The following KLRF1 variants were observed in gnomAD, a reference collection of about 807,000 sequenced individuals.
KLRF1 encodes killer cell lectin like receptor F1.
Under a neutral mutation model 30.7 loss-of-function variants are expected in KLRF1, and 27 were observed. The ratio of observed to expected loss-of-function variants is 0.88; its 90% CI spans 0.65 to 1.21. The LOEUF is 1.21. Ranked by LOEUF, KLRF1 falls within the 50% of genes most tolerant of loss-of-function variation. KLRF1 has a pLI of 0.00. For missense variants in KLRF1, 246 were observed against 259.3 expected (o/e 0.95, Z 0.35); for synonymous variants, 92 against 89.3 (o/e 1.03, Z -0.17).
chr12:9,813,841 G>A, the KLRF1 span, among the ~76,000 whole-genome samples: 174 of 152,238 alleles, frequency 1.1e-3, no homozygotes, highest in East Asian at 3.7e-3. Flanking sequence ...CCATGGGAGA[G>A]CCCTGGGGGC....
upstream of KLRF1, among the ~76,000 whole-genome samples, chr12:9,826,744 G>A (rs764226215): frequency 2.0e-5 from 3 of 152,186 alleles, no homozygotes; most frequent in South Asian, 4.2e-4. Context: ...GCTAGAGGCC[G>A]TTACCCTTAA....
chr12:9,835,914 T>A (rs1867566129), intron 3 of KLRF1, among the ~76,000 whole-genome samples: 1 of 152,046 alleles, frequency 6.6e-6, no homozygotes, highest in African/African-American at 2.4e-5. Flanking sequence ...TGGGGAGGTC[T>A]TGCTGGACCT....
chr12:9,831,935 A>T (rs985530852), intron 1 of KLRF1, among the ~76,000 whole-genome samples: 17 of 152,302 alleles, frequency 1.1e-4, no homozygotes, highest in Admixed American at 5.2e-4. Context: ...TATATTAATG[A>T]TTAATCAGAA....
the KLRF1 span, among the ~76,000 whole-genome samples, chr12:9,807,850 A>C: frequency 6.6e-6 from 1 of 152,094 alleles, no homozygotes. Context: ...CAGAGTTTTT[A>C]AATTTTTAAA....
chr12:9,820,024 C>A, the KLRF1 span, among the ~76,000 whole-genome samples: 2 of 152,004 alleles, frequency 1.3e-5, no homozygotes, highest in Non-Finnish European at 2.9e-5. Context: ...GCTGGTTGGA[C>A]CCTCAACACA....
upstream of KLRF1, among the ~76,000 whole-genome samples, chr12:9,825,495 T>C (rs752028803): frequency 1.3e-5 from 2 of 152,108 alleles, no homozygotes; most frequent in Non-Finnish European, 2.9e-5. Context: ...CCTTATACCA[T>C]ATACAAAGCT....
chr12:9,827,257 A>C (rs1867302397), upstream of KLRF1, among the ~76,000 whole-genome samples: 1 of 152,214 alleles, frequency 6.6e-6, no homozygotes, highest in Non-Finnish European at 1.5e-5. Context: ...TTTAAGGGTA[A>C]ATTAAGAGAA....
chr12:9,813,673 CA>C, the KLRF1 span, among the ~76,000 whole-genome samples: 1 of 152,032 alleles, frequency 6.6e-6, no homozygotes, highest in African/African-American at 2.4e-5. Flanking sequence ...TCTAAAAGAA[CA>C]CATTCGAATT....
chr12:9,819,427 A>G, the KLRF1 span, among the ~76,000 whole-genome samples: 1 of 152,172 alleles, frequency 6.6e-6, no homozygotes, highest in Non-Finnish European at 1.5e-5. Flanking sequence ...GGGGCTGGAC[A>G]TCATTTTTGC....
chr12:9,812,143 A>C, the KLRF1 span, among the ~76,000 whole-genome samples: 2 of 152,098 alleles, frequency 1.3e-5, no homozygotes, highest in Non-Finnish European at 2.9e-5. Context: ...AGGCGGGCGG[A>C]TCATGAGGTC....
upstream of KLRF1, among the ~76,000 whole-genome samples, chr12:9,822,984 A>G (rs1440593031): frequency 6.6e-6 from 1 of 152,176 alleles, no homozygotes; most frequent in East Asian, 1.9e-4. Flanking sequence ...TCTTAGCTAC[A>G]AAGAGTCTTA....
chr12:9,823,532 A>G (rs1867249854), upstream of KLRF1, among the ~76,000 whole-genome samples: 1 of 152,188 alleles, frequency 6.6e-6, no homozygotes, highest in African/African-American at 2.4e-5. Context: ...TACACAAAAA[A>G]GTTAGAAAGA....
At chr12:9,830,178 ACTAT>A (rs1867379766) in intron 1 of KLRF1, among the ~76,000 whole-genome samples, 1 of 152,064 alleles carries the variant, frequency 6.6e-6, no homozygotes, top group Non-Finnish European at 1.5e-5. Flanking sequence ...TTTTTGGTTA[ACTAT>A]CCGTGAGTAA....
chr12:9,813,709 C>A, the KLRF1 span, among the ~76,000 whole-genome samples: 1 of 152,278 alleles, frequency 6.6e-6, no homozygotes, highest in South Asian at 2.1e-4. Context: ...CAGGAAAGCT[C>A]TGAGGCAGGA....
chr12:9,826,148 C>T (rs1332853925), upstream of KLRF1, among the ~76,000 whole-genome samples: 1 of 152,028 alleles, frequency 6.6e-6, no homozygotes, highest in Non-Finnish European at 1.5e-5. Flanking sequence ...TTTGGGAGTA[C>T]ATGTGCAAAT....
At chr12:9,816,318 T>C in the KLRF1 span, among the ~76,000 whole-genome samples, 1 of 152,360 alleles carries the variant, frequency 6.6e-6, no homozygotes, top group East Asian at 1.9e-4. Flanking sequence ...TTAGGTGTAC[T>C]AGTACAAGGC....
At chr12:9,835,636 A>C (rs1015906116) in intron 3 of KLRF1, among the ~76,000 whole-genome samples, 3 of 152,108 alleles carry the variant, frequency 2.0e-5, no homozygotes, top group Non-Finnish European at 2.9e-5. Context: ...CTTTTCTGTA[A>C]TACGGAGCTG....
the KLRF1 span, among the ~76,000 whole-genome samples, chr12:9,819,740 G>A: frequency 6.6e-6 from 1 of 152,144 alleles, no homozygotes; most frequent in Non-Finnish European, 1.5e-5. Context: ...AGTCTGAGGC[G>A]ACTAGGGACT....
intron 1 of KLRF1, 92 bp from the exon 2 acceptor site, chr12:9,832,224 A>G (rs1867444673): frequency 4.5e-6 from 3 of 661,114 alleles, no homozygotes; most frequent in Admixed American, 2.7e-5. Context: ...AACCAAAACT[A>G]ATATTTTATA....
Sources: gnomAD v4.1 joint callset for allele counts (sites outside exome capture counted in the v4.1 genomes callset) on GRCh38, gnomAD v4.1.1 for gene constraint, MANE v1.5 for transcripts, NCBI Gene and HGNC (gene_info 2026-07-23, HGNC 2026-07-21) for gene names.